The following RNF135 variants were observed in gnomAD, a reference collection of about 807,000 sequenced individuals.
RNF135 encodes ring finger protein 135.
A neutral mutation model predicts 41.9 loss-of-function variants in RNF135; 46 were observed. That is an observed-to-expected ratio of 1.10 (90% CI 0.87 to 1.40). The LOEUF (loss-of-function observed/expected upper bound fraction) is 1.40. Among genes scored for constraint, RNF135 ranks in the 40% most tolerant of loss-of-function variants. RNF135 has a pLI of 0.00. For synonymous variants in RNF135, 238 were observed against 223.8 expected, an observed-to-expected ratio of 1.06 and a Z score of -0.57; for missense variants, 539 against 549.8, an observed-to-expected ratio of 0.98 and a Z score of 0.20.
At chr17:30,962,193 A>G in the RNF135 span, among the ~76,000 whole-genome samples, 2 of 149,158 alleles carry the variant, frequency 1.3e-5, no homozygotes, top group Non-Finnish European at 3.0e-5. Flanking sequence ...AGTGCAGTAG[A>G]GTGATCTTGG....
Position 30,983,330 on chromosome 17 carries a change from TA to T in RNF135, c.373-1286del, listed in dbSNP as rs1567743074. 2.6e-3 allele frequency among the ~76,000 whole-genome samples: 85 copies of T among 32,704 alleles called. 4 individuals are homozygous for T. Among genetic ancestry groups the T allele is most frequent in the Middle Eastern group, 0.011 (1 of 94 alleles). 21.5% of individuals were successfully genotyped at this position (32,704 alleles called of 152,430 possible). ...AATTACATATATGTACATATATATA[TA>T]TATATATATATATATATATATATTT... On this transcript the variant is annotated intron_variant, in intron 1 of 4. Transcript: ENST00000328381.
At chr17:30,992,495 T>A (rs1272671038) in intron 3 of RNF135, among the ~76,000 whole-genome samples, 1 of 152,108 alleles carries the variant, frequency 6.6e-6, no homozygotes, top group Non-Finnish European at 1.5e-5. Context: ...AGACAAGGTC[T>A]TACTTTGTTT....
Position 30,998,728 on chromosome 17 carries a change from G to A in RNF135, c.836G>A (p.Arg279His), listed in dbSNP as rs749033272. The A allele has an allele frequency of 3.7e-5, 59 of 1,613,168 alleles. 1 individual carries two copies. Among genetic ancestry groups the A allele is most frequent in the South Asian group, 3.3e-4 (30 of 91,014 alleles). ...SCSLEVSKDS[R>H]TVTVSHRPQP... ...AGCCTGGAGGTGTCCAAGGATTCCC[G>A]TACAGTGACTGTGTCTCACCGCCCA... The change falls in exon 5 of 5, where the codon CGT becomes CAT. Residue 279 changes from arginine (R) to histidine (H), a missense_variant. By Grantham distance (29) the Arg-to-His change is conservative. Transcript: ENST00000328381.
At chr17:30,977,602 G>A (rs1180620270) in intron 1 of RNF135, among the ~76,000 whole-genome samples, 2 of 152,148 alleles carry the variant, frequency 1.3e-5, no homozygotes, top group African/African-American at 2.4e-5. Context: ...TTGAACTCCT[G>A]ACCTCAAGTG....
chr17:30,975,547 C>T (rs1051977399), intron 1 of RNF135: 18 of 781,124 alleles, frequency 2.3e-5, no homozygotes, highest in Middle Eastern at 2.3e-4. Context: ...CGAAAATAGA[C>T]ATACACCCAA....
At chr17:30,977,050 ATT>A (rs753052531) in intron 1 of RNF135, among the ~76,000 whole-genome samples, 27 of 151,104 alleles carry the variant, frequency 1.8e-4, no homozygotes, top group Non-Finnish European at 2.2e-4. Flanking sequence ...AATGAAGATG[ATT>A]TTCTCTGGTG....
intron 1 of RNF135, chr17:30,975,380 T>C (rs1458557706): frequency 1.3e-6 from 1 of 757,684 alleles, no homozygotes; most frequent in Non-Finnish European, 2.4e-6. Flanking sequence ...ACATCTGGAT[T>C]AGAAGATGCC....
intron 1 of RNF135, chr17:30,976,086 A>C: frequency 5.5e-6 from 1 of 182,968 alleles, no homozygotes. Flanking sequence ...GCTCACTGCA[A>C]CCTCCGCCTC....
chr17:30,991,918 T>C lies in RNF135; in HGVS notation c.679+3812T>C, dbSNP rs139173157. Reference sequence around the variant, plus strand: ...TGGGTTTTATAATGCCATATAGACATTTTTAAATTTATGTAATTTTTTTTT... The same window carrying C: ...TGGGTTTTATAATGCCATATAGACACTTTTAAATTTATGTAATTTTTTTTT... On this transcript the variant is annotated intron_variant, in intron 3 of 4. Coordinates refer to ENST00000328381, the MANE Select transcript of RNF135 (RefSeq NM_032322.4). Among the ~76,000 whole-genome samples, 409 of 152,078 alleles carry C rather than the reference T, an allele frequency of 2.7e-3. 2 individuals are homozygous for C. Among genetic ancestry groups the C allele is most frequent in the African/African-American group, 9.5e-3 (394 of 41,476 alleles).
chr17:30,981,087 C>T (rs1404167787), intron 1 of RNF135, among the ~76,000 whole-genome samples: 1 of 148,108 alleles, frequency 6.8e-6, no homozygotes, highest in Non-Finnish European at 1.5e-5. Flanking sequence ...ACTGAGTGAA[C>T]GAGACTCCAT....
At chr17:30,992,028 T>C (rs757507873) in intron 3 of RNF135, among the ~76,000 whole-genome samples, 1 of 151,122 alleles carries the variant, frequency 6.6e-6, no homozygotes, top group Non-Finnish European at 1.5e-5. Context: ...GTCTCCTGGG[T>C]TCAAGTGATT....
At chr17:30,971,708 C>T (rs1567735568) in intron 1 of RNF135, 2 of 1,318,652 alleles carry the variant, frequency 1.5e-6, no homozygotes, top group Non-Finnish European at 1.9e-6. Context: ...TCTTCCCAAT[C>T]GATCTTCGGT....
At chr17:30,991,302 G>A (rs956385616) in intron 3 of RNF135, among the ~76,000 whole-genome samples, 1 of 151,986 alleles carries the variant, frequency 6.6e-6, no homozygotes, top group Non-Finnish European at 1.5e-5. Flanking sequence ...GGCAGAGGTT[G>A]TAGTGAGCCA....
chr17:30,987,682 A>G (rs1907686822), intron 2 of RNF135, among the ~76,000 whole-genome samples: 1 of 152,252 alleles, frequency 6.6e-6, no homozygotes, highest in African/African-American at 2.4e-5. Context: ...TAGAAAGCAC[A>G]TAGCATTAAA....
the RNF135 span, among the ~76,000 whole-genome samples, chr17:30,963,744 G>A: frequency 6.6e-6 from 1 of 152,126 alleles, no homozygotes; most frequent in East Asian, 1.9e-4. Context: ...AGGTATTAAG[G>A]TTAGGGTTCA....
At chr17:30,989,924 T>G (rs1907867086) in intron 3 of RNF135, among the ~76,000 whole-genome samples, 1 of 135,716 alleles carries the variant, frequency 7.4e-6, no homozygotes, top group Admixed American at 8.3e-5. Context: ...CACTTGAACC[T>G]GGGAAGCAGA....
chr17:30,995,878 C>T (rs942728884), intron 3 of RNF135, among the ~76,000 whole-genome samples: 2 of 151,690 alleles, frequency 1.3e-5, no homozygotes, highest in African/African-American at 2.4e-5. Flanking sequence ...CTCTGCCTCC[C>T]TAGTAGTAGC....
rs372776466 is a variant in RNF135, at chr17:30,997,525, A to G, written c.769+194A>G. Reference sequence around the variant, plus strand: ...AGACTCTAGACCCAAGAGCACTCAGAGTCCCGCCAACCTTTGAGCATCTCT... The same window carrying G: ...AGACTCTAGACCCAAGAGCACTCAGGGTCCCGCCAACCTTTGAGCATCTCT... On this transcript the variant is annotated intron_variant, in intron 4 of 4. Transcript: ENST00000328381. 128 of 653,814 alleles carry G rather than the reference A, an allele frequency of 2.0e-4. 1 individual carries two copies. The highest frequency in any genetic ancestry group is 1.8e-3 in the South Asian group (122 of 66,196). The allele number at this position is 653,814 out of a possible 1,614,324, so 40.5% of individuals were successfully genotyped here.
At chr17:30,994,571 A>T (rs1387940332) in intron 3 of RNF135, among the ~76,000 whole-genome samples, 3 of 152,104 alleles carry the variant, frequency 2.0e-5, no homozygotes, top group Non-Finnish European at 4.4e-5. Context: ...CAGTACTGTT[A>T]AGTATGTTTA....
Sources: allele counts gnomAD v4.1 joint callset (sites outside exome capture counted in the v4.1 genomes callset), GRCh38; gene constraint gnomAD v4.1.1; transcripts MANE v1.5; gene names NCBI Gene and HGNC (gene_info 2026-07-23, HGNC 2026-07-21).